LRP1B: variants seen among roughly 807,000 people sequenced by gnomAD.
LRP1B encodes low-density lipoprotein receptor-related protein 1B.
A neutral mutation model predicts 556.6 loss-of-function variants in LRP1B; 217 were observed. The ratio of observed to expected loss-of-function variants is 0.39; its 90% CI spans 0.35 to 0.44. The LOEUF is 0.44. Among genes scored for constraint, LRP1B ranks in the 20% least tolerant of loss-of-function variants. LRP1B has a pLI of 1.00. For synonymous variants in LRP1B, 2,047 were observed against 1,865.8 expected (o/e 1.10, Z -2.50); for missense variants, 5,053 against 5,620.8 (o/e 0.90, Z 3.23).
intron 32 of LRP1B, among the ~76,000 whole-genome samples, chr2:140,777,396 T>A (rs1272758573): frequency 2.0e-5 from 3 of 152,196 alleles, no homozygotes; most frequent in African/African-American, 7.2e-5. Context: ...AACACAGTTC[T>A]CTTCATTCTA....
intron 2 of LRP1B, among the ~76,000 whole-genome samples, chr2:141,756,063 T>A (rs1402973921): frequency 1.3e-5 from 2 of 152,108 alleles, no homozygotes; most frequent in South Asian, 4.1e-4. Flanking sequence ...TTATTTATAA[T>A]TGGAACAAAT....
At chr2:141,002,098 A>G (rs971041397) in intron 15 of LRP1B, among the ~76,000 whole-genome samples, 5 of 152,100 alleles carry the variant, frequency 3.3e-5, no homozygotes, top group African/African-American at 1.2e-4. Context: ...ATAAAATAAG[A>G]ATTAAAAAAT....
At chr2:142,084,556 T>C (rs568120182) in intron 1 of LRP1B, among the ~76,000 whole-genome samples, 1 of 152,288 alleles carries the variant, frequency 6.6e-6, no homozygotes, top group Admixed American at 6.5e-5. Context: ...CAGGCATTTC[T>C]GCATTTCTCA....
At chr2:141,243,291 T>C (rs112934408) in intron 5 of LRP1B, among the ~76,000 whole-genome samples, 28 of 152,194 alleles carry the variant, frequency 1.8e-4, no homozygotes, top group African/African-American at 6.5e-4. Flanking sequence ...AAGACCAGCC[T>C]GGGCAACAGA....
At chr2:142,045,338 A>T (rs1704219345) in intron 1 of LRP1B, among the ~76,000 whole-genome samples, 1 of 151,832 alleles carries the variant, frequency 6.6e-6, no homozygotes, top group South Asian at 2.1e-4. Flanking sequence ...ATTTAAAAAA[A>T]TTCACCTCCT....
intron 84 of LRP1B, among the ~76,000 whole-genome samples, chr2:140,295,039 G>T (rs1683544249): frequency 6.6e-6 from 1 of 151,930 alleles, no homozygotes; most frequent in African/African-American, 2.4e-5. Context: ...ACTGCGCCCG[G>T]CTAGTTTTTT....
chr2:140,943,847 T>C (rs1281307700), intron 20 of LRP1B, among the ~76,000 whole-genome samples: 2 of 151,870 alleles, frequency 1.3e-5, no homozygotes, highest in Non-Finnish European at 2.9e-5. Context: ...CAATCTAATA[T>C]GACACATAAG....
intron 36 of LRP1B, among the ~76,000 whole-genome samples, chr2:140,716,316 T>A (rs1043266818): frequency 2.6e-5 from 4 of 152,078 alleles, no homozygotes; most frequent in African/African-American, 7.2e-5. Flanking sequence ...GTTTAAACCA[T>A]ATAATGATAT....
chr2:140,632,334 G>A (rs562308316), intron 41 of LRP1B, among the ~76,000 whole-genome samples: 2 of 152,138 alleles, frequency 1.3e-5, no homozygotes, highest in South Asian at 4.1e-4. Flanking sequence ...ATGGATTAGT[G>A]AAATGAATGA....
intron 66 of LRP1B, among the ~76,000 whole-genome samples, chr2:140,416,263 T>A (rs1685196829): frequency 1.3e-5 from 2 of 152,078 alleles, no homozygotes; most frequent in South Asian, 4.1e-4. Context: ...GCCTGATGAT[T>A]TGAGGTGGAG....
intron 2 of LRP1B, among the ~76,000 whole-genome samples, chr2:141,729,687 C>A (rs1028083889): frequency 1.1e-4 from 16 of 152,128 alleles, no homozygotes; most frequent in African/African-American, 3.9e-4. Flanking sequence ...TTGCTTTCAT[C>A]TTTTATCTCA....
intron 12 of LRP1B, among the ~76,000 whole-genome samples, chr2:141,019,706 G>A (rs1039339169): frequency 6.6e-5 from 10 of 151,840 alleles, no homozygotes; most frequent in Admixed American, 2.6e-4. Context: ...ACATCTTTGC[G>A]CAGTAATCTA....
At chr2:141,550,946 A>G (rs1490738330) in intron 2 of LRP1B, among the ~76,000 whole-genome samples, 1 of 152,094 alleles carries the variant, frequency 6.6e-6, no homozygotes, top group Non-Finnish European at 1.5e-5. Context: ...TCATTTATTT[A>G]CATATAATCT....
intron 2 of LRP1B, among the ~76,000 whole-genome samples, chr2:141,726,379 A>G (rs887836800): frequency 6.6e-6 from 1 of 151,870 alleles, no homozygotes. Context: ...TTTTTCTAAC[A>G]AGAAAACATA....
At chr2:141,704,909 G>A (rs1417105748) in intron 2 of LRP1B, among the ~76,000 whole-genome samples, 2 of 151,900 alleles carry the variant, frequency 1.3e-5, no homozygotes, top group African/African-American at 4.8e-5. Context: ...CAAACTCAAA[G>A]GACATAAAAT....
chr2:141,093,247 C>G (rs1263513520), intron 7 of LRP1B, among the ~76,000 whole-genome samples: 1 of 151,982 alleles, frequency 6.6e-6, no homozygotes, highest in Non-Finnish European at 1.5e-5. Flanking sequence ...CTCAAGGTAA[C>G]AGGAATGAAA....
At chr2:141,975,185 T>C (rs1701851171) in intron 1 of LRP1B, among the ~76,000 whole-genome samples, 1 of 152,054 alleles carries the variant, frequency 6.6e-6, no homozygotes, top group South Asian at 2.1e-4. Context: ...AACTGTTGTG[T>C]CTGATACTGG....
chr2:142,062,757 G>C (rs1704967924), intron 1 of LRP1B, among the ~76,000 whole-genome samples: 1 of 151,636 alleles, frequency 6.6e-6, no homozygotes. Context: ...TATTATTTTT[G>C]TGCCTTGACA....
intron 7 of LRP1B, among the ~76,000 whole-genome samples, chr2:141,123,830 C>A (rs929811780): frequency 3.3e-5 from 5 of 152,094 alleles, no homozygotes; most frequent in Admixed American, 2.6e-4. Context: ...GTCTCTTAAG[C>A]ACTTTGCTAT....
Sources: gnomAD v4.1 joint callset for allele counts (sites outside exome capture counted in the v4.1 genomes callset) on GRCh38, gnomAD v4.1.1 for gene constraint, MANE v1.5 for transcripts, NCBI Gene and HGNC (gene_info 2026-07-23, HGNC 2026-07-21) for gene names.